Variants in TNN observed in about 807,000 individuals in gnomAD.
TNN encodes the protein tenascin N, also known as tenascin-N.
A neutral mutation model predicts 134.4 loss-of-function variants in TNN; 122 were observed. The ratio of observed to expected loss-of-function variants is 0.91; its 90% CI spans 0.78 to 1.06. TNN has a LOEUF of 1.06. Among genes scored for constraint, TNN ranks in the 50% least tolerant of loss-of-function variants. TNN has a pLI of 0.00. For synonymous variants in TNN, 710 were observed against 670.3 expected, an observed-to-expected ratio of 1.06 and a Z score of -0.91; for missense variants, 1,739 against 1,699.4, an observed-to-expected ratio of 1.02 and a Z score of -0.41.
At position 175,128,690 on chromosome 1, in the gene TNN, G is replaced by A. The variant is rs765803389; in HGVS notation, c.3274G>A (p.Ala1092Thr). ...GLYTIYLHGD[A>T]SRPLQVYCDM... ...GTACACCATCTACCTGCATGGCGAT[G>A]CCAGCCGGCCCCTGCAGGTGTACTG... The change falls in exon 15 of 19, where the codon GCC becomes ACC. Residue 1092 changes from alanine (A) to threonine (T), a missense_variant. Ala to Thr is a moderately conservative substitution (Grantham distance 58). Transcript: ENST00000239462. 3 of 1,614,040 alleles carry A rather than the reference G, an allele frequency of 1.9e-6. No individual in the cohort carries two copies. The East Asian group carries it at 6.7e-5, about 36-fold the overall frequency.
At chr1:175,117,481 G>A (rs983795961) in intron 10 of TNN, among the ~76,000 whole-genome samples, 11 of 152,130 alleles carry the variant, frequency 7.2e-5, no homozygotes, top group Middle Eastern at 3.2e-3. Flanking sequence ...AGACAGTATC[G>A]AGGGTCTCTT....
chr1:175,080,731 T>G (rs990406025), intron 4 of TNN, among the ~76,000 whole-genome samples: 18 of 152,246 alleles, frequency 1.2e-4, no homozygotes, highest in African/African-American at 4.1e-4. Context: ...AGTCTCTTAC[T>G]GAACCCCCAA....
At chr1:175,140,686 G>A (rs1675924426) in intron 17 of TNN, among the ~76,000 whole-genome samples, 1 of 152,232 alleles carries the variant, frequency 6.6e-6, no homozygotes, top group African/African-American at 2.4e-5. Context: ...CCAGCAAGTA[G>A]AGGATGTATT....
chr1:175,068,223 C>T (rs753492957), intron 1 of TNN, among the ~76,000 whole-genome samples: 7 of 152,098 alleles, frequency 4.6e-5, no homozygotes, highest in Non-Finnish European at 1.5e-5. Context: ...TTCTACCTGG[C>T]GTAACACATT....
chr1:175,142,514 C>G (rs1172000339), intron 17 of TNN, among the ~76,000 whole-genome samples: 2 of 152,224 alleles, frequency 1.3e-5, no homozygotes, highest in Non-Finnish European at 2.9e-5. Context: ...TAGCCTGCGT[C>G]AGATCATCGG....
At chr1:175,084,157 T>G (rs923792291) in intron 5 of TNN, among the ~76,000 whole-genome samples, 1 of 152,196 alleles carries the variant, frequency 6.6e-6, no homozygotes, top group African/African-American at 2.4e-5. Flanking sequence ...CAGGGCACCT[T>G]GTTAACAGAT....
At chr1:175,088,944 A>C (rs920586472) in intron 6 of TNN, among the ~76,000 whole-genome samples, 10 of 152,228 alleles carry the variant, frequency 6.6e-5, no homozygotes, top group Non-Finnish European at 1.3e-4. Flanking sequence ...AGAGCATTTA[A>C]TCACATATGG....
intron 6 of TNN, among the ~76,000 whole-genome samples, chr1:175,088,110 T>A (rs1444809382): frequency 6.6e-6 from 1 of 152,174 alleles, no homozygotes; most frequent in Non-Finnish European, 1.5e-5. Flanking sequence ...CCTCATTATA[T>A]AGGAATGATT....
At chr1:175,111,189 G>A (rs1431091237) in intron 9 of TNN, among the ~76,000 whole-genome samples, 1 of 152,148 alleles carries the variant, frequency 6.6e-6, no homozygotes, top group African/African-American at 2.4e-5. Flanking sequence ...GTGGTGGCAG[G>A]TGCCTGTAAT....
At chr1:175,138,881 A>T (rs1001301033) in intron 17 of TNN, among the ~76,000 whole-genome samples, 11 of 152,248 alleles carry the variant, frequency 7.2e-5, no homozygotes, top group African/African-American at 2.7e-4. Flanking sequence ...GCCTATTGCT[A>T]CTAGGCTACA....
intron 15 of TNN, among the ~76,000 whole-genome samples, chr1:175,132,768 G>C (rs1312640613): frequency 6.6e-6 from 1 of 152,218 alleles, no homozygotes; most frequent in African/African-American, 2.4e-5. Context: ...CTTGGAGTCT[G>C]GAGCCTTCTG....
chr1:175,129,195 A>G (rs1675614246), intron 15 of TNN, among the ~76,000 whole-genome samples: 1 of 152,204 alleles, frequency 6.6e-6, no homozygotes, highest in African/African-American at 2.4e-5. Context: ...CTTAATTACT[A>G]TATTTTGCGA....
In TNN at chr1:175,085,403, A is replaced by G; in HGVS notation, c.1235-2A>G. On this transcript the variant is annotated splice_acceptor_variant, in intron 5 of 18. Coordinates refer to ENST00000239462, the MANE Select transcript of TNN (RefSeq NM_022093.2). LOFTEE classifies it high-confidence loss of function. ...CATCCTGCGCTGCCTGCTTGTTTCCAGGTCTGCACCCGGGGACTGAGTATA... is the reference window on the plus strand; with the variant it reads ...CATCCTGCGCTGCCTGCTTGTTTCCGGGTCTGCACCCGGGGACTGAGTATA... The G allele has an allele frequency of 1.9e-6, 3 of 1,604,822 alleles. No individual in the cohort carries two copies. The highest frequency in any genetic ancestry group is 2.6e-6 in the Non-Finnish European group (3 of 1,172,486).
intron 13 of TNN, 119 bp downstream of exon 13, chr1:175,127,204 T>G: frequency 8.1e-7 from 1 of 1,234,544 alleles, no homozygotes; most frequent in Non-Finnish European, 1.1e-6. Context: ...CTGATCACAT[T>G]GCTGGTTGTA....
intron 10 of TNN, among the ~76,000 whole-genome samples, 165 bp from the exon 11 acceptor site, chr1:175,118,396 T>TG (rs1385185628): frequency 6.6e-6 from 1 of 152,104 alleles, no homozygotes; most frequent in East Asian, 1.9e-4. Context: ...AGGTATATCT[T>TG]GGGGGAGAAG....
intron 4 of TNN, among the ~76,000 whole-genome samples, chr1:175,083,501 T>C (rs890346798): frequency 1.3e-5 from 2 of 152,160 alleles, no homozygotes; most frequent in Non-Finnish European, 2.9e-5. Context: ...GAAGACCACA[T>C]GGCCTCTGAT....
intron 1 of TNN, among the ~76,000 whole-genome samples, chr1:175,073,366 A>AG (rs1308732226): frequency 1.3e-5 from 2 of 152,058 alleles, no homozygotes; most frequent in African/African-American, 2.4e-5. Flanking sequence ...AAATATCATT[A>AG]TTTTTATCCT....
At chr1:175,117,618 T>G (rs1020831957) in intron 10 of TNN, among the ~76,000 whole-genome samples, 7 of 152,242 alleles carry the variant, frequency 4.6e-5, no homozygotes, top group African/African-American at 1.7e-4. Context: ...TATCATTTGC[T>G]TTATGACAAA....
chr1:175,136,977 GA>G lies in TNN; in HGVS notation c.3585del (p.Gly1196AlafsTer31). 1 of 1,614,022 alleles carries G rather than the reference GA, an allele frequency of 6.2e-7. No individual in the cohort carries two copies. Among genetic ancestry groups the G allele is most frequent in the Non-Finnish European group, 8.5e-7 (1 of 1,179,938 alleles). On this transcript the variant is annotated frameshift_variant, in exon 17 of 19. Transcript: ENST00000239462. LOFTEE classifies it high-confidence loss of function. ...TATAAGCTGACAGTTGGGAAATACA[GA>G]GGCACGGCAGGTGAGAAAAAATGTT... ...ERYKLTVGKY[R>X]GTAGDALTYH...
Sources: gnomAD v4.1 joint callset for allele counts (sites outside exome capture counted in the v4.1 genomes callset) on GRCh38, gnomAD v4.1.1 for gene constraint, MANE v1.5 for transcripts, NCBI Gene and HGNC (gene_info 2026-07-23, HGNC 2026-07-21) for gene names.